The following GEN1 variants were observed in gnomAD, a reference collection of about 807,000 sequenced individuals.
GEN1 encodes the protein flap endonuclease GEN homolog 1.
In GEN1, 64 loss-of-function variants were observed where a neutral mutation model predicts 67.6. That is an observed-to-expected ratio of 0.95 (90% CI 0.77 to 1.17). The LOEUF (loss-of-function observed/expected upper bound fraction) is 1.17. Ranked by LOEUF, GEN1 falls within the 50% of genes most tolerant of loss-of-function variation. GEN1 has a pLI of 0.00. For missense variants in GEN1, 1,058 were observed against 1,048.3 expected (o/e 1.01, Z -0.13); for synonymous variants, 371 against 359.4 (o/e 1.03, Z -0.37).
intron 3 of GEN1, among the ~76,000 whole-genome samples, chr2:17,761,936 G>T (rs563239237): frequency 7.2e-5 from 11 of 152,162 alleles, no homozygotes; most frequent in African/African-American, 2.6e-4. Flanking sequence ...ACACCTTCAG[G>T]ACTTAAAGAA....
chr2:17,756,836 A>G (rs1247471380), intron 1 of GEN1, among the ~76,000 whole-genome samples: 1 of 152,192 alleles, frequency 6.6e-6, no homozygotes. Flanking sequence ...GTGTAGTTGT[A>G]CTTTAATATC....
chr2:17,782,098 C>A lies in GEN1; in HGVS notation c.*159C>A. The A allele has an allele frequency of 4.0e-6, 2 of 498,622 alleles. No individual in the cohort carries two copies. The highest frequency in any genetic ancestry group is 7.0e-6 in the Non-Finnish European group (2 of 285,396). 30.9% of individuals were successfully genotyped at this position (498,622 alleles called of 1,614,324 possible). Reference sequence around the variant, plus strand: ...CAAAGTTGTAATTTTTAAAAAGTCACCTAAAACTCTGGTTTTAAAAGATCC... The same window carrying A: ...CAAAGTTGTAATTTTTAAAAAGTCAACTAAAACTCTGGTTTTAAAAGATCC... On this transcript the variant is annotated 3_prime_UTR_variant, in exon 14 of 14. Transcript: ENST00000381254.
chr2:17,760,107 A>G lies in GEN1; in HGVS notation c.161+3A>G, dbSNP rs745551340. 2.5e-6 allele frequency: 4 copies of G among 1,613,774 alleles called. No individual in the cohort carries two copies. The highest frequency in any genetic ancestry group is 1.7e-5 in the Admixed American group (1 of 60,006). The stretch of plus-strand genomic sequence containing the variant: ...AGCGTCATGAAGCCCCACCTCAGGT[A>G]TAGTAAAAGCTCTTACAGTATAAAT... On this transcript the variant is annotated splice_donor_region_variant and intron_variant, in intron 2 of 13. Coordinates refer to ENST00000381254, the MANE Select transcript of GEN1 (RefSeq NM_001130009.3).
chr2:17,754,578 C>T (rs1231809316), intron 1 of GEN1: 1 of 152,238 alleles, frequency 6.6e-6, no homozygotes, highest in Non-Finnish European at 1.5e-5. Flanking sequence ...GCGCGTTCTC[C>T]GGCCGCTTGC....
rs765410551 is a variant in GEN1 at position 17,785,047 on chromosome 2, C to G, written c.*3108C>G. 2 of 152,128 alleles carry G rather than the reference C, an allele frequency of 1.3e-5. No homozygotes were observed. Among genetic ancestry groups the G allele is most frequent in the Non-Finnish European group, 2.9e-5 (2 of 68,034 alleles). The allele number at this position is 152,128 out of a possible 1,614,324, so 9.4% of individuals were successfully genotyped here. On this transcript the variant is annotated 3_prime_UTR_variant, in exon 14 of 14. Coordinates refer to ENST00000381254, the MANE Select transcript of GEN1 (RefSeq NM_001130009.3). ...CATTAGAGTCTCATAGGAGCATGAACCCTATTGTGAACTACGCATGCGAGG... is the reference window on the plus strand; with the variant it reads ...CATTAGAGTCTCATAGGAGCATGAAGCCTATTGTGAACTACGCATGCGAGG...
Position 17,756,870 on chromosome 2 carries a change from T to C in GEN1, c.-16+2525T>C, listed in dbSNP as rs867539430. ...TCTTAGAAGCTATTGCATTCTGTCCTTTTTTGGAATGTTTTATGCTTTTAC... is the reference window on the plus strand; with the variant it reads ...TCTTAGAAGCTATTGCATTCTGTCCCTTTTTGGAATGTTTTATGCTTTTAC... On this transcript the variant is annotated intron_variant, in intron 1 of 13. Coordinates refer to ENST00000381254, the MANE Select transcript of GEN1 (RefSeq NM_001130009.3). 4.6e-5 allele frequency among the ~76,000 whole-genome samples: 7 copies of C among 152,352 alleles called. No homozygotes were observed. In the South Asian group the frequency reaches 1.4e-3, roughly 32 times the overall value.
intron 6 of GEN1, 47 bp downstream of exon 6, chr2:17,768,858 C>T: frequency 8.3e-7 from 1 of 1,208,166 alleles, no homozygotes; most frequent in East Asian, 2.4e-5. Flanking sequence ...TTTATTCTTG[C>T]TGAACTTAAT....
At position 17,782,092 on chromosome 2, in the gene GEN1, A is replaced by G. The variant is rs1032223894; in HGVS notation, c.*153A>G. 10 of 510,018 alleles carry G rather than the reference A, an allele frequency of 2.0e-5. No homozygotes were observed. The African/African-American group carries it at 2.0e-4, about 10-fold the overall frequency. 31.6% of individuals were successfully genotyped at this position (510,018 alleles called of 1,614,324 possible). A position where few individuals can be genotyped will look rare whatever the true frequency, so the allele number is the denominator to read the frequency against. The stretch of plus-strand genomic sequence containing the variant: ...TTTAATCAAAGTTGTAATTTTTAAA[A>G]AGTCACCTAAAACTCTGGTTTTAAA... On this transcript the variant is annotated 3_prime_UTR_variant, in exon 14 of 14. Transcript: ENST00000381254.
chr2:17,766,463 C>A, intron 4 of GEN1, 116 bp from the exon 5 acceptor site: 1 of 621,888 alleles, frequency 1.6e-6, no homozygotes, highest in Non-Finnish European at 2.8e-6. Flanking sequence ...AGCCACCATG[C>A]CCAGCCTGGA....
In GEN1 at chr2:17,786,222, G is replaced by C. The variant is rs1673055382; in HGVS notation, c.*4283G>C. Reference sequence around the variant, plus strand: ...TAGGGACTCAGTAAATTGTAGCTGTGTCCGATACCATCATTTGGAAAGAGC... The same window carrying C: ...TAGGGACTCAGTAAATTGTAGCTGTCTCCGATACCATCATTTGGAAAGAGC... On this transcript the variant is annotated 3_prime_UTR_variant, in exon 14 of 14. Coordinates refer to ENST00000381254, the MANE Select transcript of GEN1 (RefSeq NM_001130009.3). 6.6e-6 allele frequency: 1 copy of C among 152,208 alleles called. No individual in the cohort carries two copies. Among genetic ancestry groups the C allele is most frequent in the African/African-American group, 2.4e-5 (1 of 41,458 alleles). 9.4% of individuals were successfully genotyped at this position (152,208 alleles called of 1,614,324 possible). A position where few individuals can be genotyped will look rare whatever the true frequency, so the allele number is the denominator to read the frequency against.
chr2:17,781,164 C>A lies in GEN1; in HGVS notation c.1952C>A (p.Ser651Tyr). 1 of 1,613,892 alleles carries A rather than the reference C, an allele frequency of 6.2e-7. No individual in the cohort carries two copies. ...ATAAAGAAAGTGTTGGATGAGGATT[C>A]TGATGGGATTAGTCCTGAAGAGCAT... is the stretch of plus-strand genomic sequence containing the variant. ...ANIKKVLDED[S>Y]DGISPEEHLL... Residue 651 changes from serine (S) to tyrosine (Y), a missense_variant, in exon 14 of 14, where the codon TCT (serine) becomes TAT (tyrosine). Physicochemically the swap from Ser to Tyr is moderately radical, Grantham distance 144. Coordinates refer to ENST00000381254, the MANE Select transcript of GEN1 (RefSeq NM_001130009.3).
chr2:17,778,024 A>C lies in GEN1; in HGVS notation c.1225A>C (p.Asn409His). Residue 409 changes from asparagine (N) to histidine (H), a missense_variant, in exon 12 of 14, where the codon AAT becomes CAT. Transcript: ENST00000381254. ...CAGAATTGTTAAGACTCGAATCAGA[A>C]ATGGAGTTCATTGTTTTGAAATAGA... is the stretch of plus-strand genomic sequence containing the variant. ...PIRIVKTRIR[N>H]GVHCFEIEWE... The C allele has an allele frequency of 6.3e-7, 1 of 1,595,390 alleles. No homozygotes were observed. The highest frequency in any genetic ancestry group is 1.3e-5 in the African/African-American group (1 of 74,576).
chr2:17,780,580 A>G (rs1489650209), intron 13 of GEN1, 41 bp from the exon 14 acceptor site: 2 of 1,304,852 alleles, frequency 1.5e-6, no homozygotes, highest in Non-Finnish European at 2.1e-6. Flanking sequence ...GTTAAAGCAA[A>G]GAAAATAAAT....
rs751718144 is a variant in GEN1, at chr2:17,780,604, AT to A, written c.1409-9del. 28 of 1,443,808 alleles carry A rather than the reference AT, an allele frequency of 1.9e-5. No homozygotes were observed. Among genetic ancestry groups the A allele is most frequent in the African/African-American group, 7.1e-5 (5 of 70,092 alleles). The allele number at this position is 1,443,808 out of a possible 1,614,324, so 89.4% of individuals were successfully genotyped here. A position where few individuals can be genotyped will look rare whatever the true frequency, so the allele number is the denominator to read the frequency against. ...AAGAAAATAAATGTTGATTATATGT[AT>A]TTTTTTTCTTTTCAGGTATTAAGCC... On this transcript the variant is annotated splice_polypyrimidine_tract_variant and intron_variant, in intron 13 of 13. Transcript: ENST00000381254.
chr2:17,780,766 A>T lies in GEN1; in HGVS notation c.1554A>T (p.Pro518=). The change falls in exon 14 of 14, where the codon CCA becomes CCT. Residue 518 remains proline, a synonymous_variant. Coordinates refer to ENST00000381254, the MANE Select transcript of GEN1 (RefSeq NM_001130009.3). ...NSGISPDPTL[P]QESISASLNS... ...GGATTTCCCCTGATCCTACATTACCACAGGAATCTATTTCTGCCTCATTGA... is the reference window on the plus strand; with the variant it reads ...GGATTTCCCCTGATCCTACATTACCTCAGGAATCTATTTCTGCCTCATTGA... 1 of 1,614,020 alleles carries T rather than the reference A, an allele frequency of 6.2e-7. No individual in the cohort carries two copies. Among genetic ancestry groups the T allele is most frequent in the South Asian group, 1.1e-5 (1 of 91,058 alleles).
chr2:17,765,948 A>AAT (rs10607623), intron 4 of GEN1, among the ~76,000 whole-genome samples: 2,281 of 149,014 alleles, frequency 0.015, 22 homozygotes, highest in South Asian at 0.026. Flanking sequence ...TACTTTCTAT[A>AAT]ATATATATAT....
intron 13 of GEN1, 25 bp from the exon 14 acceptor site, chr2:17,780,596 T>G (rs1356795239): frequency 7.3e-7 from 1 of 1,366,434 alleles, no homozygotes; most frequent in Admixed American, 2.3e-5. Context: ...TAAATGTTGA[T>G]TATATGTATT....
chr2:17,770,314 T>C (rs552862120), intron 6 of GEN1, among the ~76,000 whole-genome samples: 15 of 152,294 alleles, frequency 9.8e-5, no homozygotes, highest in Non-Finnish European at 1.9e-4. Context: ...TTATTTTTAA[T>C]TTTTGCCGTG....
rs1271345018 is a variant in GEN1, at chr2:17,787,912, G to A, written c.*5973G>A. Reference sequence around the variant, plus strand: ...GCACTCTAGCCTGGGCAAGAAGAGCGAAACTCCATCTAAACAAAAGAAAAA... The same window carrying A: ...GCACTCTAGCCTGGGCAAGAAGAGCAAAACTCCATCTAAACAAAAGAAAAA... On this transcript the variant is annotated 3_prime_UTR_variant, in exon 14 of 14. Transcript: ENST00000381254. 3.3e-5 allele frequency: 5 copies of A among 152,302 alleles called. No individual in the cohort carries two copies. Among genetic ancestry groups the A allele is most frequent in the Non-Finnish European group, 7.3e-5 (5 of 68,136 alleles). 9.4% of individuals were successfully genotyped at this position (152,302 alleles called of 1,614,324 possible).
Sources: allele counts gnomAD v4.1 joint callset (sites outside exome capture counted in the v4.1 genomes callset), GRCh38; gene constraint gnomAD v4.1.1; transcripts MANE v1.5; gene names NCBI Gene and HGNC (gene_info 2026-07-23, HGNC 2026-07-21).